Variants in MAGI2 observed in about 807,000 individuals in gnomAD.
The protein encoded by MAGI2 is membrane-associated guanylate kinase, WW and PDZ domain-containing protein 2.
Under a neutral mutation model 133.3 loss-of-function variants are expected in MAGI2, and 35 were observed. That is an observed-to-expected ratio of 0.26 (90% CI 0.20 to 0.35). The LOEUF (loss-of-function observed/expected upper bound fraction) is 0.35. MAGI2 is among the 10% of genes least tolerant of loss of function. The pLI is 1.00. For missense variants in MAGI2, 1,636 were observed against 1,863.4 expected, an observed-to-expected ratio of 0.88 and a Z score of 2.25; for synonymous variants, 729 against 710.6, an observed-to-expected ratio of 1.03 and a Z score of -0.41.
chr7:79,203,756 C>T (rs1287721127), intron 1 of MAGI2, among the ~76,000 whole-genome samples: 1 of 152,022 alleles, frequency 6.6e-6, no homozygotes, highest in Admixed American at 6.5e-5. Context: ...ACCAACGCAC[C>T]AATGTAAAAT....
intron 16 of MAGI2, among the ~76,000 whole-genome samples, chr7:78,154,229 G>A (rs1318548262): frequency 1.3e-5 from 2 of 152,234 alleles, no homozygotes; most frequent in Non-Finnish European, 2.9e-5. Flanking sequence ...TCACCAGGGT[G>A]CTTTATCAAA....
intron 9 of MAGI2, among the ~76,000 whole-genome samples, chr7:78,302,778 T>C (rs1797940889): frequency 6.6e-6 from 1 of 152,166 alleles, no homozygotes; most frequent in Non-Finnish European, 1.5e-5. Context: ...TACTCCCCCA[T>C]TCCCCACCAA....
intron 16 of MAGI2, among the ~76,000 whole-genome samples, chr7:78,146,068 A>T (rs888540319): frequency 1.3e-5 from 2 of 151,800 alleles, no homozygotes; most frequent in African/African-American, 4.8e-5. Context: ...AATTATCTTT[A>T]TTTCTTTTAT....
intron 3 of MAGI2, among the ~76,000 whole-genome samples, chr7:78,593,386 C>T (rs553583458): frequency 1.6e-3 from 240 of 151,868 alleles, no homozygotes; most frequent in Non-Finnish European, 2.1e-3. Context: ...AGCGAGACTC[C>T]GTCTCAAAAA....
chr7:78,523,156 C>A lies in MAGI2; in HGVS notation c.539-1511G>T, dbSNP rs184022596. Among the ~76,000 whole-genome samples the A allele has an allele frequency of 1.6e-3, 244 of 152,260 alleles. 1 individual carries two copies. Among genetic ancestry groups the A allele is most frequent in the African/African-American group, 5.6e-3 (233 of 41,556 alleles). On this transcript the variant is annotated intron_variant, in intron 3 of 21. Coordinates refer to ENST00000354212, the MANE Select transcript of MAGI2 (RefSeq NM_012301.4). The stretch of plus-strand genomic sequence containing the variant: ...CAGAAGACATAGAATTTAGGCTTGG[C>A]TTTTTTATATAACTACAAGCAAGTT...
chr7:78,210,308 G>C (rs1261059885), intron 10 of MAGI2, among the ~76,000 whole-genome samples: 1 of 152,098 alleles, frequency 6.6e-6, no homozygotes, highest in African/African-American at 2.4e-5. Flanking sequence ...TGAAGGGTGA[G>C]GAATGTAGGA....
At chr7:79,323,516 C>T (rs1165455262) in intron 1 of MAGI2, among the ~76,000 whole-genome samples, 1 of 151,768 alleles carries the variant, frequency 6.6e-6, no homozygotes, top group African/African-American at 2.4e-5. Context: ...TCTGGAGAGA[C>T]CAGTTGTGGA....
chr7:78,836,094 G>T (rs1003467838), intron 2 of MAGI2, among the ~76,000 whole-genome samples: 1 of 152,140 alleles, frequency 6.6e-6, no homozygotes, highest in East Asian at 1.9e-4. Flanking sequence ...ATTAGCAGAC[G>T]TCAGCATATT....
chr7:79,232,087 G>T (rs1831421004), intron 1 of MAGI2, among the ~76,000 whole-genome samples: 1 of 152,060 alleles, frequency 6.6e-6, no homozygotes, highest in Non-Finnish European at 1.5e-5. Context: ...TTATATGCTG[G>T]ATTACATTTA....
chr7:78,116,840 T>G (rs1819914330), intron 20 of MAGI2, among the ~76,000 whole-genome samples: 1 of 151,840 alleles, frequency 6.6e-6, no homozygotes, highest in African/African-American at 2.4e-5. Flanking sequence ...TTTGTACCAC[T>G]GCACTCCAGC....
chr7:79,136,097 GAAAGAAAGA>G (rs1821517559), intron 1 of MAGI2, among the ~76,000 whole-genome samples: 1 of 150,454 alleles, frequency 6.6e-6, no homozygotes, highest in Non-Finnish European at 1.5e-5. Context: ...AAGAAAGAAA[GAAAGAAAGA>G]AAGAAAGAAA....
chr7:78,995,547 A>G (rs1283765994), intron 2 of MAGI2, among the ~76,000 whole-genome samples: 1 of 152,038 alleles, frequency 6.6e-6, no homozygotes, highest in African/African-American at 2.4e-5. Flanking sequence ...TCACTCAAAA[A>G]CTTCCCTGAT....
At chr7:78,223,396 C>CT (rs1789029576) in intron 10 of MAGI2, among the ~76,000 whole-genome samples, 1 of 151,982 alleles carries the variant, frequency 6.6e-6, no homozygotes, top group Admixed American at 6.6e-5. Flanking sequence ...TAAGAGTTAG[C>CT]TTTGAGATTT....
chr7:78,894,011 T>A (rs1796998159), intron 2 of MAGI2, among the ~76,000 whole-genome samples: 1 of 152,224 alleles, frequency 6.6e-6, no homozygotes, highest in Non-Finnish European at 1.5e-5. Flanking sequence ...ATGCAAGAAC[T>A]GGGACATGAA....
At chr7:78,331,305 G>A (rs768535070) in intron 9 of MAGI2, among the ~76,000 whole-genome samples, 42 of 145,026 alleles carry the variant, frequency 2.9e-4, no homozygotes, top group African/African-American at 9.7e-4. Flanking sequence ...AAACCTCAGC[G>A]TCACGCAATA....
rs1260858313 is a variant in MAGI2 at position 78,139,273 on chromosome 7, T to C, written c.2846-4067A>G. On this transcript the variant is annotated intron_variant, in intron 16 of 21. Coordinates refer to ENST00000354212, the MANE Select transcript of MAGI2 (RefSeq NM_012301.4). ...TTGGCATTTACTTTAATAAAAGCAG[T>C]ACTTGAAACTCTTGGCAGCTAACGG... Among the ~76,000 whole-genome samples, 4 of 152,200 alleles carry C rather than the reference T, an allele frequency of 2.6e-5. No homozygotes were observed. In the East Asian group the frequency reaches 7.7e-4, roughly 29 times the overall value.
intron 2 of MAGI2, among the ~76,000 whole-genome samples, chr7:78,862,811 T>C (rs983667307): frequency 1.3e-5 from 2 of 152,214 alleles, no homozygotes; most frequent in Non-Finnish European, 2.9e-5. Context: ...ACTTGGTCCC[T>C]TTTTCTCTCA....
At chr7:78,610,790 T>C (rs1335159759) in intron 3 of MAGI2, among the ~76,000 whole-genome samples, 1 of 152,146 alleles carries the variant, frequency 6.6e-6, no homozygotes, top group Non-Finnish European at 1.5e-5. Flanking sequence ...ATGGATATCA[T>C]GGTTGGAAGG....
At chr7:78,307,066 G>A (rs950547074) in intron 9 of MAGI2, among the ~76,000 whole-genome samples, 2 of 152,120 alleles carry the variant, frequency 1.3e-5, no homozygotes, top group Non-Finnish European at 2.9e-5. Context: ...GTCAACGTAA[G>A]TTGAACTATC....
Sources: allele counts gnomAD v4.1 joint callset (sites outside exome capture counted in the v4.1 genomes callset), GRCh38; gene constraint gnomAD v4.1.1; transcripts MANE v1.5; gene names NCBI Gene and HGNC (gene_info 2026-07-23, HGNC 2026-07-21).